Variants in PPP1R42 observed in about 807,000 individuals in gnomAD.
The protein encoded by PPP1R42 is leucine rich repeat containing 67.
A neutral mutation model predicts 31.0 loss-of-function variants in PPP1R42; 34 were observed. That is an observed-to-expected ratio of 1.10 (90% CI 0.83 to 1.46). The LOEUF (loss-of-function observed/expected upper bound fraction) is 1.46, where lower values mean the gene tolerates loss of function less well. PPP1R42 is among the 40% of genes most tolerant of loss of function. The probability of loss-of-function intolerance (pLI) is 0.00; values close to 1 mark genes in which losing one functional copy is unlikely to be tolerated. For synonymous variants in PPP1R42, 103 were observed against 109.8 expected (o/e 0.94, Z 0.39); for missense variants, 268 against 303.0 (o/e 0.88, Z 0.86).
At chr8:67,011,864 A>G (rs1815852546) in intron 4 of PPP1R42, among the ~76,000 whole-genome samples, 1 of 152,168 alleles carries the variant, frequency 6.6e-6, no homozygotes, top group African/African-American at 2.4e-5. Flanking sequence ...ATGCACAGCC[A>G]ACCTTTAGAA....
intron 6 of PPP1R42, chr8:66,985,342 G>T: frequency 2.5e-6 from 2 of 785,190 alleles, no homozygotes; most frequent in Non-Finnish European, 4.5e-6. Flanking sequence ...TTTAGCTGTT[G>T]CTTGAATGGT....
intron 5 of PPP1R42, among the ~76,000 whole-genome samples, chr8:66,998,385 C>T (rs946787949): frequency 3.3e-5 from 5 of 152,192 alleles, no homozygotes; most frequent in Non-Finnish European, 5.9e-5. Flanking sequence ...TTACGTTTAA[C>T]ATATTGACCT....
intron 5 of PPP1R42, among the ~76,000 whole-genome samples, chr8:66,996,525 C>T (rs375974138): frequency 6.6e-6 from 1 of 152,188 alleles, no homozygotes; most frequent in Non-Finnish European, 1.5e-5. Flanking sequence ...GCCTTCTAGC[C>T]TACCGTACAG....
intron 5 of PPP1R42, among the ~76,000 whole-genome samples, chr8:66,992,979 T>TC (rs1485539890): frequency 6.6e-6 from 1 of 152,216 alleles, no homozygotes; most frequent in Non-Finnish European, 1.5e-5. Context: ...GCCTCATATG[T>TC]CCAATTATGT....
chr8:66,990,942 G>C (rs1031076672), intron 5 of PPP1R42, among the ~76,000 whole-genome samples: 11 of 152,244 alleles, frequency 7.2e-5, no homozygotes, highest in African/African-American at 2.6e-4. Flanking sequence ...AACATGACAG[G>C]CCGTAGAAGT....
At chr8:67,001,796 T>C (rs1363826408) in intron 5 of PPP1R42, among the ~76,000 whole-genome samples, 3 of 152,204 alleles carry the variant, frequency 2.0e-5, no homozygotes, top group African/African-American at 7.2e-5. Context: ...ATGGTTATTA[T>C]TTATTTTGCC....
intron 2 of PPP1R42, among the ~76,000 whole-genome samples, chr8:67,015,079 C>T (rs533081601): frequency 5.3e-5 from 8 of 152,114 alleles, no homozygotes; most frequent in Admixed American, 1.3e-4. Flanking sequence ...AGTGCAGTGA[C>T]GCCATCTCGG....
At chr8:66,993,225 A>G (rs1352418195) in intron 5 of PPP1R42, among the ~76,000 whole-genome samples, 1 of 151,890 alleles carries the variant, frequency 6.6e-6, no homozygotes, top group African/African-American at 2.4e-5. Context: ...TTCCATCCCT[A>G]CCTTATTAAA....
intron 5 of PPP1R42, among the ~76,000 whole-genome samples, chr8:66,998,236 T>C (rs548740500): frequency 6.6e-6 from 1 of 152,324 alleles, no homozygotes; most frequent in African/African-American, 2.4e-5. Context: ...TTTCTTCCAA[T>C]ATTTTGTGTT....
At chr8:67,015,926 G>GTTCACAC (rs1371727920) in intron 2 of PPP1R42, among the ~76,000 whole-genome samples, 1 of 152,138 alleles carries the variant, frequency 6.6e-6, no homozygotes, top group Non-Finnish European at 1.5e-5. Context: ...TCATTTTAGT[G>GTTCACAC]TGAATTACTT....
intron 7 of PPP1R42, chr8:66,970,950 T>TA: frequency 6.8e-7 from 1 of 1,459,950 alleles, no homozygotes; most frequent in Non-Finnish European, 9.2e-7. Flanking sequence ...ACCAAAAAGA[T>TA]AAAGTCACAT....
chr8:66,980,262 C>G (rs967167280), intron 7 of PPP1R42, among the ~76,000 whole-genome samples: 1 of 152,000 alleles, frequency 6.6e-6, no homozygotes, highest in Non-Finnish European at 1.5e-5. Flanking sequence ...GGGTCTTGCT[C>G]TGTTCCCCAG....
rs1191951560 is a variant in PPP1R42 at position 66,988,455 on chromosome 8, A to G, written c.615T>C (p.Pro205=). Reference sequence around the variant, plus strand: ...CCCTGTATTTTGGTTTGAGACAAACAGGATTTCCATTTAGATCAATTTTCC... The same window carrying G: ...CCCTGTATTTTGGTTTGAGACAAACGGGATTTCCATTTAGATCAATTTTCC... ...KLWKIDLNGN[P]VCLKPKYRDR... Residue 205 remains proline, a synonymous_variant, in exon 6 of 8, where the codon CCT becomes CCC. Transcript: ENST00000685739. The G allele has an allele frequency of 1.2e-6, 2 of 1,611,004 alleles. No homozygotes were observed. The highest frequency in any genetic ancestry group is 1.7e-5 in the Admixed American group (1 of 59,780).
chr8:66,970,784 T>G (rs1312889470), intron 7 of PPP1R42: 1 of 580,028 alleles, frequency 1.7e-6, no homozygotes, highest in African/African-American at 1.8e-5. Context: ...AAACACCCCT[T>G]CCCATCGTAA....
intron 6 of PPP1R42, chr8:66,984,031 C>T: frequency 8.5e-7 from 1 of 1,182,378 alleles, no homozygotes; most frequent in Non-Finnish European, 1.2e-6. Context: ...CTGCTTGGCA[C>T]AGTTCTGAGA....
intron 5 of PPP1R42, among the ~76,000 whole-genome samples, chr8:67,000,180 T>A (rs1208933289): frequency 1.3e-5 from 2 of 152,110 alleles, no homozygotes; most frequent in South Asian, 2.1e-4. Context: ...CATGTATTTT[T>A]CTTGCTGCTT....
At chr8:67,013,348 A>G (rs894262217) in intron 3 of PPP1R42, among the ~76,000 whole-genome samples, 5 of 151,972 alleles carry the variant, frequency 3.3e-5, no homozygotes, top group African/African-American at 9.7e-5. Flanking sequence ...CATACAATTC[A>G]TATGTTGCCT....
At chr8:67,017,481 G>A (rs912529212) in intron 2 of PPP1R42, 138 bp downstream of exon 2, 4 of 430,250 alleles carry the variant, frequency 9.3e-6, no homozygotes, top group Middle Eastern at 1.4e-3. Flanking sequence ...GCAACAGACG[G>A]AGAGAGACTC....
At chr8:66,985,090 A>G (rs1814965012) in intron 6 of PPP1R42, 4 of 1,303,296 alleles carry the variant, frequency 3.1e-6, no homozygotes, top group Non-Finnish European at 4.5e-6. Context: ...TCCTTCCTTT[A>G]GCTCCTTCCT....
Sources: gnomAD v4.1 joint callset for allele counts (sites outside exome capture counted in the v4.1 genomes callset) on GRCh38, gnomAD v4.1.1 for gene constraint, MANE v1.5 for transcripts, NCBI Gene and HGNC (gene_info 2026-07-23, HGNC 2026-07-21) for gene names.